Variants in NTM observed in about 807,000 individuals in gnomAD.
NTM encodes the protein neurotrimin.
NTM carries 13 observed loss-of-function variants against 42.1 expected under a neutral mutation model. The observed-to-expected ratio is 0.31, with a 90% confidence interval of 0.20 to 0.49. NTM has a LOEUF of 0.49. NTM is among the 20% of genes least tolerant of loss of function. The pLI is 0.99. For missense variants in NTM, 373 were observed against 452.8 expected (o/e 0.82, Z 1.60); for synonymous variants, 187 against 179.2 (o/e 1.04, Z -0.35).
At chr11:132,269,848 G>A (rs2093393174) in intron 4 of NTM, among the ~76,000 whole-genome samples, 1 of 152,198 alleles carries the variant, frequency 6.6e-6, no homozygotes, top group South Asian at 2.1e-4. Context: ...ACTTCATCAA[G>A]TGATTTGTGT....
intron 1 of NTM, among the ~76,000 whole-genome samples, chr11:131,893,974 C>T (rs1356815592): frequency 8.5e-5 from 13 of 152,160 alleles, no homozygotes. Flanking sequence ...AAGTGACCTG[C>T]ATAGCTGCAA....
chr11:131,651,108 G>C (rs757853640), intron 1 of NTM, among the ~76,000 whole-genome samples: 1 of 152,128 alleles, frequency 6.6e-6, no homozygotes, highest in Non-Finnish European at 1.5e-5. Context: ...ACTACCGACT[G>C]TTCTCAAAAG....
chr11:131,722,402 A>G (rs2078472747), intron 1 of NTM, among the ~76,000 whole-genome samples: 1 of 152,152 alleles, frequency 6.6e-6, no homozygotes, highest in African/African-American at 2.4e-5. Context: ...TTTTGGTGAG[A>G]CTGCTTTCAT....
intron 1 of NTM, among the ~76,000 whole-genome samples, chr11:131,813,133 GCTCA>G (rs1565583429): frequency 6.6e-6 from 1 of 152,198 alleles, no homozygotes; most frequent in Non-Finnish European, 1.5e-5. Flanking sequence ...CTTCGGGGGT[GCTCA>G]CTGTCATTCA....
intron 1 of NTM, among the ~76,000 whole-genome samples, chr11:131,546,290 C>T (rs1183247127): frequency 6.6e-6 from 1 of 152,118 alleles, no homozygotes; most frequent in Non-Finnish European, 1.5e-5. Context: ...TTCTTTGCCT[C>T]AAAATAACCC....
At chr11:131,516,509 C>G (rs1360634589) in intron 1 of NTM, among the ~76,000 whole-genome samples, 1 of 152,170 alleles carries the variant, frequency 6.6e-6, no homozygotes, top group African/African-American at 2.4e-5. Context: ...TCCCAAGTAG[C>G]TGGGAATACA....
rs191895565 is a variant in NTM, at chr11:131,941,057, G to C, written c.167+29409G>C. Among the ~76,000 whole-genome samples the C allele has an allele frequency of 2.6e-4, 39 of 152,342 alleles. No homozygotes were observed. The East Asian group carries it at 6.9e-3, about 27-fold the overall frequency. On this transcript the variant is annotated intron_variant, in intron 2 of 8. Transcript: ENST00000683400. ...TAGGGCACGTGGAGGGGTTAAAGGG[G>C]AGAGGGAAGATATTCTCGAGGGTAA...
chr11:132,019,119 G>A (rs768190214), intron 2 of NTM, among the ~76,000 whole-genome samples: 20 of 151,534 alleles, frequency 1.3e-4, no homozygotes, highest in Non-Finnish European at 2.4e-4. Flanking sequence ...TTATCAAGGA[G>A]CTTACTTCTT....
intron 1 of NTM, among the ~76,000 whole-genome samples, chr11:131,603,836 A>G (rs921726691): frequency 3.9e-5 from 6 of 152,274 alleles, no homozygotes; most frequent in South Asian, 2.1e-4. Flanking sequence ...TTCAAAGTTC[A>G]TGTGTGTTGT....
At chr11:132,250,108 C>G (rs1438852878) in intron 4 of NTM, among the ~76,000 whole-genome samples, 2 of 152,104 alleles carry the variant, frequency 1.3e-5, no homozygotes, top group African/African-American at 4.8e-5. Context: ...GTGAAAATGT[C>G]TTATTTTGTC....
chr11:131,670,379 CTTTCTTTCTT>C (rs1270096661), intron 1 of NTM, among the ~76,000 whole-genome samples: 1 of 151,634 alleles, frequency 6.6e-6, no homozygotes, highest in African/African-American at 2.4e-5. Context: ...TCCTTCCTTC[CTTTCTTTCTT>C]TTTCTTTCTT....
chr11:131,866,554 G>A (rs1023522433), intron 1 of NTM, among the ~76,000 whole-genome samples: 5 of 152,346 alleles, frequency 3.3e-5, no homozygotes, highest in African/African-American at 1.2e-4. Flanking sequence ...CATTAATTTA[G>A]TGGGTGAACT....
intron 2 of NTM, among the ~76,000 whole-genome samples, chr11:132,044,949 CA>C: frequency 6.6e-6 from 1 of 152,190 alleles, no homozygotes; most frequent in East Asian, 1.9e-4. Context: ...TCCAGAGGTA[CA>C]AAGAAGAGAT....
At chr11:131,377,758 A>G (rs1345711420) in intron 1 of NTM, among the ~76,000 whole-genome samples, 1 of 152,192 alleles carries the variant, frequency 6.6e-6, no homozygotes, top group African/African-American at 2.4e-5. Context: ...GTACAGAGGT[A>G]ACAAAGCTGC....
At chr11:131,516,348 T>C (rs1036432286) in intron 1 of NTM, among the ~76,000 whole-genome samples, 3 of 152,252 alleles carry the variant, frequency 2.0e-5, no homozygotes, top group Non-Finnish European at 4.4e-5. Flanking sequence ...CTCAAGCCTG[T>C]GCCCTTTGTG....
At chr11:131,762,066 G>T (rs1356172473) in intron 1 of NTM, among the ~76,000 whole-genome samples, 1 of 152,124 alleles carries the variant, frequency 6.6e-6, no homozygotes, top group African/African-American at 2.4e-5. Flanking sequence ...TGTTGTTGAA[G>T]CCAACCTGTG....
rs73586664 is a variant in NTM, at chr11:132,009,790, G to A, written c.167+98142G>A. On this transcript the variant is annotated intron_variant, in intron 2 of 8. Coordinates refer to ENST00000683400, the MANE Select transcript of NTM (RefSeq NM_001352005.2). ...ATTACATTTGTGATTAAAAACATCC[G>A]TCATCGGTGTGTTTTGCCTTTTCAA... Among the ~76,000 whole-genome samples, 353 of 152,304 alleles carry A rather than the reference G, an allele frequency of 2.3e-3. 1 individual carries two copies. Among genetic ancestry groups the A allele is most frequent in the African/African-American group, 7.9e-3 (330 of 41,564 alleles).
At chr11:132,128,312 A>C (rs890185029) in intron 2 of NTM, among the ~76,000 whole-genome samples, 1 of 152,156 alleles carries the variant, frequency 6.6e-6, no homozygotes, top group Non-Finnish European at 1.5e-5. Flanking sequence ...ATTTCTAAAC[A>C]ATGTCCTACA....
intron 1 of NTM, among the ~76,000 whole-genome samples, chr11:131,756,718 G>A (rs1002098728): frequency 1.1e-4 from 17 of 152,008 alleles, no homozygotes; most frequent in Admixed American, 8.5e-4. Flanking sequence ...TATAATCAGG[G>A]ATTATCTCAT....
Sources: allele counts gnomAD v4.1 joint callset (sites outside exome capture counted in the v4.1 genomes callset), GRCh38; gene constraint gnomAD v4.1.1; transcripts MANE v1.5; gene names NCBI Gene and HGNC (gene_info 2026-07-23, HGNC 2026-07-21).